Variants in ZFHX3 observed in about 807,000 individuals in gnomAD.
ZFHX3 encodes the protein zinc finger homeobox 3.
A neutral mutation model predicts 279.1 loss-of-function variants in ZFHX3; 42 were observed. That is an observed-to-expected ratio of 0.15 (90% confidence interval 0.12 to 0.19). ZFHX3 has a LOEUF of 0.19. ZFHX3 is among the 10% of genes least tolerant of loss of function. The pLI, the probability that ZFHX3 is intolerant of heterozygous loss-of-function variation, is 1.00. For synonymous variants in ZFHX3, 2,293 were observed against 1,957.8 expected, an observed-to-expected ratio of 1.17 and a Z score of -4.52; for missense variants, 4,981 against 4,754.0, an observed-to-expected ratio of 1.05 and a Z score of -1.40.
chr16:73,128,372 T>C (rs1464888563), intron 7 of ZFHX3, among the ~76,000 whole-genome samples: 1 of 152,210 alleles, frequency 6.6e-6, no homozygotes, highest in Admixed American at 6.5e-5. Flanking sequence ...CTTGATTAAT[T>C]CTCAAAGCAA....
At chr16:73,369,972 G>C (rs1198683247) in intron 3 of ZFHX3, among the ~76,000 whole-genome samples, 2 of 152,134 alleles carry the variant, frequency 1.3e-5, no homozygotes, top group Non-Finnish European at 2.9e-5. Context: ...ATGGCTCCAG[G>C]ACACACAAAA....
rs144014367 is a variant in ZFHX3, at chr16:73,844,460, A to G, written c.-1608+47191T>C. Among the ~76,000 whole-genome samples the G allele has an allele frequency of 6.6e-5, 10 of 152,348 alleles. No individual in the cohort carries two copies. In the East Asian group the frequency reaches 1.7e-3, roughly 26 times the overall value. Reference sequence around the variant, plus strand: ...AATGAAGACATTGAAGGCCAATACTATGGAGACTTCCTATGTGACAGGAAT... The same window carrying G: ...AATGAAGACATTGAAGGCCAATACTGTGGAGACTTCCTATGTGACAGGAAT... On this transcript the variant is annotated intron_variant, in intron 1 of 17. Coordinates refer to the ZFHX3 transcript ENST00000641206.
At chr16:73,312,000 C>T (rs1204394138) in intron 4 of ZFHX3, among the ~76,000 whole-genome samples, 1 of 152,110 alleles carries the variant, frequency 6.6e-6, no homozygotes, top group East Asian at 1.9e-4. Context: ...ACCAGGATGA[C>T]GCATGCAGCA....
At chr16:73,341,383 AATGG>A (rs1232857456) in intron 3 of ZFHX3, among the ~76,000 whole-genome samples, 2 of 152,194 alleles carry the variant, frequency 1.3e-5, no homozygotes, top group Non-Finnish European at 2.9e-5. Context: ...GCCAATAAAA[AATGG>A]ATGAAGGATG....
intron 2 of ZFHX3, among the ~76,000 whole-genome samples, chr16:73,563,943 G>T (rs1471153282): frequency 1.3e-5 from 2 of 152,100 alleles, no homozygotes; most frequent in Admixed American, 1.3e-4. Context: ...CTTCTCAAGG[G>T]ACTCAAAGCA....
chr16:73,023,738 T>A (rs1447560808), intron 1 of ZFHX3, among the ~76,000 whole-genome samples: 1 of 152,172 alleles, frequency 6.6e-6, no homozygotes, highest in African/African-American at 2.4e-5. Context: ...CTCAAAGGCT[T>A]CATGTCATCT....
chr16:72,872,649 G>A (rs940272905), intron 4 of ZFHX3, among the ~76,000 whole-genome samples: 1 of 152,122 alleles, frequency 6.6e-6, no homozygotes, highest in Non-Finnish European at 1.5e-5. Context: ...AGTAGAGAAG[G>A]GGTTTCACTA....
At chr16:73,055,002 G>T (rs1597139081) in intron 1 of ZFHX3, among the ~76,000 whole-genome samples, 1 of 151,758 alleles carries the variant, frequency 6.6e-6, no homozygotes, top group South Asian at 2.1e-4. Flanking sequence ...AGACGAATTG[G>T]AAAGGGGTGA....
At chr16:73,673,556 G>A (rs539934014) in intron 2 of ZFHX3, among the ~76,000 whole-genome samples, 2 of 150,882 alleles carry the variant, frequency 1.3e-5, no homozygotes, top group Non-Finnish European at 3.0e-5. Context: ...GCTAGCAGCT[G>A]TCTCAAGATT....
intron 4 of ZFHX3, among the ~76,000 whole-genome samples, chr16:72,841,190 C>T (rs1317777711): frequency 2.0e-5 from 3 of 152,126 alleles, no homozygotes; most frequent in Admixed American, 6.6e-5. Flanking sequence ...TTTCAAGGTG[C>T]GTCTACACGT....
chr16:73,221,183 T>A (rs2012406327), intron 5 of ZFHX3, among the ~76,000 whole-genome samples: 1 of 152,222 alleles, frequency 6.6e-6, no homozygotes, highest in South Asian at 2.1e-4. Context: ...AGCTTGAGAA[T>A]GTGCTTTTCT....
intron 1 of ZFHX3, among the ~76,000 whole-genome samples, chr16:73,843,948 C>T (rs1961380266): frequency 6.6e-6 from 1 of 152,172 alleles, no homozygotes; most frequent in African/African-American, 2.4e-5. Context: ...AATATTCTTT[C>T]AATTCTTTTT....
intron 2 of ZFHX3, among the ~76,000 whole-genome samples, chr16:73,618,916 G>A (rs1471162235): frequency 6.6e-6 from 1 of 152,178 alleles, no homozygotes; most frequent in African/African-American, 2.4e-5. Flanking sequence ...GGCATGAGAT[G>A]TGATGGGACC....
intron 3 of ZFHX3, among the ~76,000 whole-genome samples, chr16:72,926,238 T>A (rs1959440592): frequency 6.6e-6 from 1 of 152,222 alleles, no homozygotes; most frequent in South Asian, 2.1e-4. Context: ...GATGCTAGAA[T>A]ATAATTGCCC....
intron 1 of ZFHX3, among the ~76,000 whole-genome samples, chr16:73,746,603 C>A (rs113263930): frequency 2.0e-5 from 3 of 152,122 alleles, no homozygotes; most frequent in African/African-American, 7.2e-5. Context: ...AGAGATGAGA[C>A]GATTTCCTGT....
chr16:73,110,710 C>T (rs958112018), intron 7 of ZFHX3, among the ~76,000 whole-genome samples: 5 of 151,944 alleles, frequency 3.3e-5, no homozygotes, highest in African/African-American at 1.2e-4. Context: ...ACTACAGGTG[C>T]GTATCAACAC....
chr16:73,576,730 T>G (rs1433742515), intron 2 of ZFHX3, among the ~76,000 whole-genome samples: 1 of 151,910 alleles, frequency 6.6e-6, no homozygotes, highest in Admixed American at 6.6e-5. Flanking sequence ...ACAAAAAACC[T>G]TCTATTTTAG....
At chr16:73,650,118 T>C (rs2052656706) in intron 2 of ZFHX3, among the ~76,000 whole-genome samples, 1 of 152,296 alleles carries the variant, frequency 6.6e-6, no homozygotes, top group African/African-American at 2.4e-5. Context: ...TCTGATCATA[T>C]ACCTTCTGTC....
chr16:72,798,232 C>T lies in ZFHX3; in HGVS notation c.4450G>A (p.Asp1484Asn). ...TCTTCCTCAACAATTATGGTATGGT[C>T]CTCTGCCAGAGTGGGGTCTCCCATT... ...LAMGDPTLAEDHTIIVEEDKE... is the reference protein window; with the variant it reads ...LAMGDPTLAENHTIIVEEDKE... The change falls in exon 9 of 10, where the codon GAC becomes AAC. Residue 1484 changes from aspartate (D) to asparagine (N), a missense_variant. Asp to Asn is a conservative substitution (Grantham distance 23). Transcript: ENST00000268489. The T allele has an allele frequency of 6.2e-7, 1 of 1,614,190 alleles. No homozygotes were observed. The highest frequency in any genetic ancestry group is 1.1e-5 in the South Asian group (1 of 91,082).
Sources: gnomAD v4.1 joint callset for allele counts (sites outside exome capture counted in the v4.1 genomes callset) on GRCh38, gnomAD v4.1.1 for gene constraint, MANE v1.5 for transcripts, NCBI Gene and HGNC (gene_info 2026-07-23, HGNC 2026-07-21) for gene names.